SLC35F4: variants seen among roughly 807,000 people sequenced by gnomAD.
SLC35F4 encodes chromosome 14 open reading frame 36.
In SLC35F4, 24 loss-of-function variants were observed where a neutral mutation model predicts 44.2. The observed-to-expected ratio is 0.54, with a 90% CI of 0.39 to 0.76. The LOEUF is 0.76. Among genes scored for constraint, SLC35F4 ranks in the 30% least tolerant of loss-of-function variants. The pLI, the probability that SLC35F4 is intolerant of heterozygous loss-of-function variation, is 0.00. For synonymous variants in SLC35F4, 238 were observed against 223.6 expected (o/e 1.06, Z -0.57); for missense variants, 562 against 586.1 (o/e 0.96, Z 0.42).
intron 1 of SLC35F4, among the ~76,000 whole-genome samples, chr14:57,728,321 G>GT (rs1324952917): frequency 6.8e-6 from 1 of 148,062 alleles, no homozygotes; most frequent in Non-Finnish European, 1.5e-5. Flanking sequence ...ATTAGTTCTT[G>GT]TTTTTTCATA....
chr14:57,982,104 GAT>G (rs1881398489), upstream of SLC35F4: 2 of 152,064 alleles, frequency 1.3e-5, no homozygotes, highest in African/African-American at 4.8e-5. Flanking sequence ...CCCTTTCCCA[GAT>G]CAAAAACCAT....
chr14:57,944,993 G>A (rs1456827784), intron 1 of SLC35F4, among the ~76,000 whole-genome samples: 4 of 152,000 alleles, frequency 2.6e-5, no homozygotes, highest in Non-Finnish European at 4.4e-5. Context: ...TGTCGCTCTT[G>A]TTATTGACAA....
chr14:57,605,299 T>C (rs2071087264), intron 1 of SLC35F4, among the ~76,000 whole-genome samples: 1 of 152,056 alleles, frequency 6.6e-6, no homozygotes, highest in Non-Finnish European at 1.5e-5. Flanking sequence ...GGAAAGGATA[T>C]GAACAGACAG....
In SLC35F4 at chr14:57,564,246, G is replaced by A. The variant is rs1386620932; in HGVS notation, c.1347C>T (p.Asn449=). 1 of 1,613,478 alleles carries A rather than the reference G, an allele frequency of 6.2e-7. No individual in the cohort carries two copies. Among genetic ancestry groups the A allele is most frequent in the Admixed American group, 1.7e-5 (1 of 59,896 alleles). The part of the protein sequence containing the change: ...EWDEITLRFI[N]SLKEKKSEEH... ...CCTCACTCTTCTTTTCCTTCAGGCTGTTGATGAACCTCAGGGTGATTTCAT... is the reference window on the plus strand; with the variant it reads ...CCTCACTCTTCTTTTCCTTCAGGCTATTGATGAACCTCAGGGTGATTTCAT... The change falls in exon 8 of 8, where the codon AAC becomes AAT. Residue 449 remains asparagine, a synonymous_variant. Transcript: ENST00000556826.
chr14:57,814,558 C>G (rs929577460), intron 1 of SLC35F4, among the ~76,000 whole-genome samples: 7 of 152,190 alleles, frequency 4.6e-5, no homozygotes, highest in African/African-American at 1.7e-4. Context: ...CAGTAGTTTT[C>G]ATTAATTATT....
chr14:57,659,698 G>T (rs1050805016), intron 1 of SLC35F4, among the ~76,000 whole-genome samples: 7 of 152,092 alleles, frequency 4.6e-5, no homozygotes, highest in African/African-American at 1.7e-4. Context: ...CCTCTGTAAA[G>T]GATATATAGC....
intron 1 of SLC35F4, among the ~76,000 whole-genome samples, chr14:57,945,944 T>C (rs1010766784): frequency 3.3e-5 from 5 of 152,156 alleles, no homozygotes; most frequent in Non-Finnish European, 5.9e-5. Flanking sequence ...TCTATTCATG[T>C]CCTTTCCCTA....
intron 3 of SLC35F4, among the ~76,000 whole-genome samples, chr14:57,583,488 G>A (rs1165425875): frequency 1.3e-5 from 2 of 152,166 alleles, no homozygotes; most frequent in Non-Finnish European, 2.9e-5. Flanking sequence ...AGAGCTGGGA[G>A]GAGTGCTCCT....
At chr14:57,663,433 T>G (rs1159025303) in intron 1 of SLC35F4, among the ~76,000 whole-genome samples, 3 of 152,158 alleles carry the variant, frequency 2.0e-5, no homozygotes, top group Non-Finnish European at 4.4e-5. Flanking sequence ...TGACCTTACC[T>G]AGAATTATCC....
chr14:57,973,641 G>A (rs1881120256), downstream of SLC35F4, among the ~76,000 whole-genome samples: 1 of 152,116 alleles, frequency 6.6e-6, no homozygotes, highest in Admixed American at 6.6e-5. Context: ...GGACATTAGA[G>A]AGTCTTAATT....
At chr14:57,675,365 A>G (rs1019223249) in intron 1 of SLC35F4, among the ~76,000 whole-genome samples, 3 of 152,128 alleles carry the variant, frequency 2.0e-5, no homozygotes, top group African/African-American at 7.2e-5. Flanking sequence ...TGAAAGCACC[A>G]AAAGTAAGCT....
At chr14:57,934,303 T>C (rs1889756444) in intron 1 of SLC35F4, among the ~76,000 whole-genome samples, 1 of 149,916 alleles carries the variant, frequency 6.7e-6, no homozygotes, top group East Asian at 2.0e-4. Flanking sequence ...GGAGAGTGGT[T>C]AATAAATTAT....
intron 1 of SLC35F4, among the ~76,000 whole-genome samples, chr14:57,857,205 A>T (rs1388561392): frequency 6.6e-6 from 1 of 151,892 alleles, no homozygotes. Context: ...TGAACCTGGG[A>T]GGCGGAGGTT....
intron 1 of SLC35F4, among the ~76,000 whole-genome samples, chr14:57,963,605 G>A (rs937907950): frequency 1.3e-5 from 2 of 151,962 alleles, no homozygotes; most frequent in South Asian, 2.1e-4. Flanking sequence ...TGTTTACAGC[G>A]GGCTCACAGC....
chr14:57,863,458 C>T (rs989349234), intron 1 of SLC35F4, among the ~76,000 whole-genome samples: 1 of 152,178 alleles, frequency 6.6e-6, no homozygotes, highest in Admixed American at 6.5e-5. Context: ...AGAGATTGTC[C>T]TTCATATGTG....
At chr14:57,671,308 G>A (rs1958783544) in intron 1 of SLC35F4, among the ~76,000 whole-genome samples, 1 of 151,972 alleles carries the variant, frequency 6.6e-6, no homozygotes, top group South Asian at 2.1e-4. Flanking sequence ...ACCTCAGAGT[G>A]CACAGGTCTC....
chr14:57,934,782 A>G (rs1376597843), intron 1 of SLC35F4, among the ~76,000 whole-genome samples: 1 of 152,218 alleles, frequency 6.6e-6, no homozygotes, highest in East Asian at 1.9e-4. Context: ...GTTAACTGAG[A>G]AACTGGGTGC....
At chr14:57,871,610 C>T (rs1051742529) in intron 1 of SLC35F4, among the ~76,000 whole-genome samples, 1 of 152,114 alleles carries the variant, frequency 6.6e-6, no homozygotes, top group Non-Finnish European at 1.5e-5. Context: ...AAATGCCAAC[C>T]CTGCTGTGGT....
intron 1 of SLC35F4, among the ~76,000 whole-genome samples, chr14:57,745,081 T>C (rs1003426315): frequency 2.7e-4 from 41 of 152,174 alleles, no homozygotes; most frequent in Admixed American, 1.5e-3. Flanking sequence ...CAAAAATTAA[T>C]TCAAGGTGGA....
Sources: gnomAD v4.1 joint callset for allele counts (sites outside exome capture counted in the v4.1 genomes callset) on GRCh38, gnomAD v4.1.1 for gene constraint, MANE v1.5 for transcripts, NCBI Gene and HGNC (gene_info 2026-07-23, HGNC 2026-07-21) for gene names.